Variants in EXOC6B observed in about 807,000 individuals in gnomAD.
EXOC6B encodes exocyst complex component 6B.
EXOC6B carries 54 observed loss-of-function variants against 113.5 expected under a neutral mutation model. The ratio of observed to expected loss-of-function variants is 0.48; its 90% CI spans 0.38 to 0.60. The LOEUF is 0.60. EXOC6B is among the 20% of genes least tolerant of loss of function. The pLI, the probability that EXOC6B is intolerant of heterozygous loss-of-function variation, is 0.00. For synonymous variants in EXOC6B, 357 were observed against 339.0 expected, an observed-to-expected ratio of 1.05 and a Z score of -0.58; for missense variants, 797 against 977.5, an observed-to-expected ratio of 0.82 and a Z score of 2.46.
chr2:72,722,884 C>T (rs776640110), intron 5 of EXOC6B, among the ~76,000 whole-genome samples: 2 of 152,206 alleles, frequency 1.3e-5, no homozygotes, highest in African/African-American at 4.8e-5. Context: ...ACACATGGCT[C>T]ATGCTGAAAA....
chr2:72,603,158 C>T (rs1183007465), intron 6 of EXOC6B, among the ~76,000 whole-genome samples: 1 of 150,274 alleles, frequency 6.7e-6, no homozygotes, highest in Non-Finnish European at 1.5e-5. Context: ...AGCAGTTTCA[C>T]ATTTAAATGT....
intron 19 of EXOC6B, among the ~76,000 whole-genome samples, chr2:72,378,002 G>T (rs1272187111): frequency 6.6e-6 from 1 of 150,804 alleles, no homozygotes; most frequent in Admixed American, 6.6e-5. Flanking sequence ...CTAGAGCTTT[G>T]AGTAGCACTC....
chr2:72,663,581 A>G (rs953856325), intron 6 of EXOC6B, among the ~76,000 whole-genome samples: 3 of 152,330 alleles, frequency 2.0e-5, no homozygotes, highest in East Asian at 1.9e-4. Context: ...TGTAGGATGC[A>G]GTAAAACCTG....
At chr2:72,254,858 C>G (rs1018458213) in intron 20 of EXOC6B, among the ~76,000 whole-genome samples, 1 of 152,106 alleles carries the variant, frequency 6.6e-6, no homozygotes, top group Non-Finnish European at 1.5e-5. Context: ...GATTTCCAAG[C>G]AAAATGTTGA....
At chr2:72,805,574 TG>T (rs1382252596) in intron 1 of EXOC6B, among the ~76,000 whole-genome samples, 1 of 152,216 alleles carries the variant, frequency 6.6e-6, no homozygotes, top group Non-Finnish European at 1.5e-5. Context: ...ATGTATACAT[TG>T]TGAAATGATT....
At chr2:72,277,145 A>T (rs1350839378) in intron 20 of EXOC6B, among the ~76,000 whole-genome samples, 1 of 152,180 alleles carries the variant, frequency 6.6e-6, no homozygotes, top group East Asian at 1.9e-4. Flanking sequence ...GCCCTCCCAT[A>T]AAAGACTGAA....
Position 72,564,193 on chromosome 2 carries a change from T to C in EXOC6B, c.847-4672A>G, listed in dbSNP as rs80228559. 4.0e-3 allele frequency among the ~76,000 whole-genome samples: 606 copies of C among 152,256 alleles called. 2 individuals carry two copies. Among genetic ancestry groups the C allele is most frequent in the African/African-American group, 0.013 (557 of 41,554 alleles). Reference sequence around the variant, plus strand: ...CTCTACTGCTGATAAAGACAGCACATTAAAATAGAAATGCATTAGTACACT... The same window carrying C: ...CTCTACTGCTGATAAAGACAGCACACTAAAATAGAAATGCATTAGTACACT... On this transcript the variant is annotated intron_variant, in intron 7 of 21. Transcript: ENST00000272427.
At chr2:72,429,048 C>T (rs1045732950) in intron 18 of EXOC6B, among the ~76,000 whole-genome samples, 2 of 152,180 alleles carry the variant, frequency 1.3e-5, no homozygotes, top group African/African-American at 4.8e-5. Flanking sequence ...GACAATTTCA[C>T]TAATTTAGCT....
intron 18 of EXOC6B, among the ~76,000 whole-genome samples, chr2:72,401,943 G>A (rs1208974807): frequency 6.6e-6 from 1 of 151,226 alleles, no homozygotes; most frequent in African/African-American, 2.4e-5. Context: ...AAGATAATGA[G>A]ATTGCTGACA....
In EXOC6B at chr2:72,557,296, G is replaced by T. The variant is rs541984010; in HGVS notation, c.915+2157C>A. On this transcript the variant is annotated intron_variant, in intron 8 of 21. Coordinates refer to ENST00000272427, the MANE Select transcript of EXOC6B (RefSeq NM_015189.3). ...AATGAAACAAAATAAAATCCGGGGG[G>T]GGGGGGGGGCCTTTATGAACTGATA... Among the ~76,000 whole-genome samples, 14 of 100,750 alleles carry T rather than the reference G, an allele frequency of 1.4e-4. 2 individuals carry two copies. Among genetic ancestry groups the T allele is most frequent in the Admixed American group, 1.0e-3 (11 of 10,690 alleles). The allele number at this position is 100,750 out of a possible 152,430, so 66.1% of individuals were successfully genotyped here. A position where few individuals can be genotyped will look rare whatever the true frequency, so the allele number is the denominator to read the frequency against.
intron 20 of EXOC6B, among the ~76,000 whole-genome samples, chr2:72,321,363 C>G (rs150258192): frequency 2.0e-5 from 3 of 151,960 alleles, no homozygotes; most frequent in African/African-American, 7.3e-5. Flanking sequence ...GGTGAAACCT[C>G]GTCTCTCCTA....
At chr2:72,334,825 C>G in intron 20 of EXOC6B, 122 bp downstream of exon 20, 1 of 822,294 alleles carries the variant, frequency 1.2e-6, no homozygotes, top group Non-Finnish European at 2.0e-6. Context: ...AGGGAAAACC[C>G]TTAGGTCTCC....
intron 18 of EXOC6B, among the ~76,000 whole-genome samples, chr2:72,397,942 G>A (rs2105143198): frequency 6.6e-6 from 1 of 152,204 alleles, no homozygotes; most frequent in Non-Finnish European, 1.5e-5. Context: ...ATACTAGCAT[G>A]GGGCACAAGA....
rs190860328 is a variant in EXOC6B, at chr2:72,696,486, A to G, written c.669+21617T>C. Among the ~76,000 whole-genome samples, 286 of 152,298 alleles carry G rather than the reference A, an allele frequency of 1.9e-3. 8 individuals are homozygous for G. The highest frequency in any genetic ancestry group is 6.9e-3 in the East Asian group (36 of 5,192). On this transcript the variant is annotated intron_variant, in intron 6 of 21. Coordinates refer to ENST00000272427, the MANE Select transcript of EXOC6B (RefSeq NM_015189.3). ...ATGTGACACTGCTGCTTCTTTCATC[A>G]AGAGATTAGAGCCATTTCTCCATGT...
intron 16 of EXOC6B, among the ~76,000 whole-genome samples, chr2:72,481,760 T>C (rs143551980): frequency 6.8e-4 from 104 of 152,300 alleles, no homozygotes; most frequent in African/African-American, 2.4e-3. Flanking sequence ...GGATTAAATA[T>C]TCTGTTGTCA....
intron 20 of EXOC6B, among the ~76,000 whole-genome samples, chr2:72,224,518 G>C (rs532293930): frequency 1.3e-5 from 2 of 152,104 alleles, no homozygotes; most frequent in South Asian, 2.1e-4. Context: ...ATTTCAAGTA[G>C]GGTACAAGTA....
Position 72,823,473 on chromosome 2 carries a change from A to C in EXOC6B, c.113+2325T>G, listed in dbSNP as rs1422302733. 4.9e-4 allele frequency among the ~76,000 whole-genome samples: 58 copies of C among 117,676 alleles called. 2 individuals are homozygous for C. Among genetic ancestry groups the C allele is most frequent in the African/African-American group, 5.6e-4 (17 of 30,546 alleles). 77.2% of individuals were successfully genotyped at this position (117,676 alleles called of 152,430 possible). A position where few individuals can be genotyped will look rare whatever the true frequency, so the allele number is the denominator to read the frequency against. On this transcript the variant is annotated intron_variant, in intron 1 of 21. Coordinates refer to ENST00000272427, the MANE Select transcript of EXOC6B (RefSeq NM_015189.3). ...CAAAGTTTTAAGAAAAAAAAAAAAA[A>C]AAAAACAAAAAACAAAAAAAAAGAC...
At chr2:72,666,602 C>T (rs1675407859) in intron 6 of EXOC6B, among the ~76,000 whole-genome samples, 1 of 152,104 alleles carries the variant, frequency 6.6e-6, no homozygotes, top group Non-Finnish European at 1.5e-5. Context: ...TCTTCACTGA[C>T]TATATGATTA....
At chr2:72,324,960 T>G (rs1225588801) in intron 20 of EXOC6B, among the ~76,000 whole-genome samples, 1 of 152,104 alleles carries the variant, frequency 6.6e-6, no homozygotes, top group Non-Finnish European at 1.5e-5. Context: ...AGATCTTAAG[T>G]CTCTGGACTG....
Sources: gnomAD v4.1 joint callset for allele counts (sites outside exome capture counted in the v4.1 genomes callset) on GRCh38, gnomAD v4.1.1 for gene constraint, MANE v1.5 for transcripts, NCBI Gene and HGNC (gene_info 2026-07-23, HGNC 2026-07-21) for gene names.